Variants in PHRF1 observed in about 807,000 individuals in gnomAD.
PHRF1 encodes PHD and ring finger domains 1.
PHRF1 carries 53 observed loss-of-function variants against 128.9 expected under a neutral mutation model. That is an observed-to-expected ratio of 0.41 (90% CI 0.33 to 0.52). The LOEUF is 0.52. Among genes scored for constraint, PHRF1 ranks in the 20% least tolerant of loss-of-function variants. The pLI, the probability that PHRF1 is intolerant of heterozygous loss-of-function variation, is 0.21. For missense variants in PHRF1, 2,503 were observed against 2,284.5 expected (o/e 1.10, Z -1.95); for synonymous variants, 1,178 against 980.6 (o/e 1.20, Z -3.76).
At chr11:604,435 T>G (rs904737641) in intron 10 of PHRF1, among the ~76,000 whole-genome samples, 1 of 152,234 alleles carries the variant, frequency 6.6e-6, no homozygotes, top group African/African-American at 2.4e-5. Context: ...TAGTAACTCT[T>G]AGGGTTTTTA....
rs765663267 is a variant in PHRF1 at position 609,179 on chromosome 11, G to A, written c.3723G>A (p.Gln1241=). Residue 1241 remains glutamine (Q), a synonymous_variant, in exon 14 of 18, where the codon CAG becomes CAA. Coordinates refer to ENST00000264555, the MANE Select transcript of PHRF1 (RefSeq NM_001286581.2). ...CTACGGCCGACAAGGCCCCCCTGCA[G>A]GCTCCCCCTGTCCTGGAGGTGGCAG... is the stretch of plus-strand genomic sequence containing the variant. The part of the protein sequence containing the change: ...EVATADKAPL[Q]APPVLEVAAE... 1.9e-6 allele frequency: 3 copies of A among 1,606,990 alleles called. No homozygotes were observed. Among genetic ancestry groups the A allele is most frequent in the Non-Finnish European group, 2.5e-6 (3 of 1,179,272 alleles).
At chr11:579,774 C>G (rs534065602) in intron 1 of PHRF1, among the ~76,000 whole-genome samples, 2 of 152,210 alleles carry the variant, frequency 1.3e-5, no homozygotes. Flanking sequence ...TGTTTCCAGG[C>G]AGTAGTAAGA....
Position 609,115 on chromosome 11 carries a change from T to C in PHRF1, c.3659T>C (p.Leu1220Ser). ...GGGCGGGAAGACCTCCCCACCAGGT[T>C]GCCAGCCTTGGGGGAAGCACATGTC... Reference protein sequence around the residue: ...EPGREDLPTRLPALGEAHVSP... With the variant: ...EPGREDLPTRSPALGEAHVSP... The change falls in exon 14 of 18, where the codon TTG (leucine) becomes TCG (serine). Residue 1220 changes from leucine to serine, a missense_variant. Coordinates refer to ENST00000264555, the MANE Select transcript of PHRF1 (RefSeq NM_001286581.2). 1 of 1,605,490 alleles carries C rather than the reference T, an allele frequency of 6.2e-7. No homozygotes were observed. Among genetic ancestry groups the C allele is most frequent in the Non-Finnish European group, 8.5e-7 (1 of 1,177,406 alleles).
rs1333760705 is a variant in PHRF1, at chr11:590,018, G to GCAAACGGGCA, written c.421-1366_421-1365insCAAACGGGCA. Among the ~76,000 whole-genome samples the GCAAACGGGCA allele has an allele frequency of 4.2e-5, 6 of 142,150 alleles. 1 individual carries two copies. The highest frequency in any genetic ancestry group is 1.3e-4 in the African/African-American group (5 of 37,370). The allele number at this position is 142,150 out of a possible 152,430, so 93.3% of individuals were successfully genotyped here. A position where few individuals can be genotyped will look rare whatever the true frequency, so the allele number is the denominator to read the frequency against. On this transcript the variant is annotated intron_variant, in intron 4 of 17. Transcript: ENST00000264555. The stretch of plus-strand genomic sequence containing the variant: ...TGGGGCTCAGCCTCAGAGAGTGTCT[G>GCAAACGGGCA]TAAACGGGCATGGAGCGTGCGGGGC...
chr11:582,092 T>G lies in PHRF1; in HGVS notation c.214+11T>G. On this transcript the variant is annotated intron_variant, in intron 3 of 17. Transcript: ENST00000264555. ...TGGAAGACAGATCTGGTGAGACAGC[T>G]GGTGTTCACGCCGGCTCCTGTGTTT... 1 of 1,580,696 alleles carries G rather than the reference T, an allele frequency of 6.3e-7. No homozygotes were observed. The highest frequency in any genetic ancestry group is 8.6e-7 in the Non-Finnish European group (1 of 1,163,632).
intron 17 of PHRF1, 42 bp from the exon 18 acceptor site, chr11:611,592 T>C (rs374495339): frequency 1.9e-6 from 3 of 1,611,990 alleles, no homozygotes; most frequent in Non-Finnish European, 2.5e-6. Flanking sequence ...CCGGAACATC[T>C]GGATGTGAAA....
chr11:589,949 G>A (rs986023311), intron 4 of PHRF1, among the ~76,000 whole-genome samples: 6 of 144,496 alleles, frequency 4.2e-5, no homozygotes, highest in African/African-American at 1.2e-4. Context: ...GGCACGGAGC[G>A]TGCGGGGCTC....
At chr11:580,455 C>G (rs1459455302) in intron 1 of PHRF1, among the ~76,000 whole-genome samples, 1 of 152,174 alleles carries the variant, frequency 6.6e-6, no homozygotes, top group African/African-American at 2.4e-5. Context: ...GGCCTGGCCT[C>G]TGTGCCTTCT....
chr11:598,028 C>T (rs1366075940), intron 8 of PHRF1, among the ~76,000 whole-genome samples: 2 of 152,114 alleles, frequency 1.3e-5, no homozygotes, highest in African/African-American at 4.8e-5. Flanking sequence ...CCTTGGCAAG[C>T]CTAACGCTGA....
rs1417861713 is a variant in PHRF1 at position 597,200 on chromosome 11, ATG to A, written c.718+187_719-187del. Reference sequence around the variant, plus strand: ...CTGTCTCGGGCTCGTCTTCTCGGGGATGTGTGTGGGGTCCATTGGCTGGGGGG... The same window carrying A: ...CTGTCTCGGGCTCGTCTTCTCGGGGATGTGTGGGGTCCATTGGCTGGGGGG... On this transcript the variant is annotated intron_variant, in intron 7 of 17. Transcript: ENST00000264555. This position sits in a 1 kb window ranked among gnomAD's most constrained non-coding sequence, Gnocchi z 6.5. Among the ~76,000 whole-genome samples the A allele has an allele frequency of 6.7e-6, 1 of 149,064 alleles. No individual in the cohort carries two copies. Among genetic ancestry groups the A allele is most frequent in the Non-Finnish European group, 1.5e-5 (1 of 67,282 alleles).
At chr11:584,580 G>A (rs1469816046) in intron 3 of PHRF1, among the ~76,000 whole-genome samples, 3 of 152,126 alleles carry the variant, frequency 2.0e-5, no homozygotes, top group Admixed American at 6.5e-5. Context: ...GGGCAGAGGC[G>A]GCAGGCCAGG....
chr11:586,397 C>T (rs1854562852), intron 3 of PHRF1, among the ~76,000 whole-genome samples: 1 of 152,254 alleles, frequency 6.6e-6, no homozygotes, highest in Admixed American at 6.5e-5. Context: ...GTAAATATTT[C>T]TGTTCTGGGT....
At position 611,862 on chromosome 11, in the gene PHRF1, G is replaced by A. The variant is rs547304813; in HGVS notation, c.*85G>A. On this transcript the variant is annotated 3_prime_UTR_variant, in exon 18 of 18. Coordinates refer to ENST00000264555, the MANE Select transcript of PHRF1 (RefSeq NM_001286581.2). ...TGCCCGGGGAGCTGTCGGGAGTGGC[G>A]GGAATCGGGGCCATGCCCGGGGAGC... The A allele has an allele frequency of 2.2e-5, 33 of 1,501,816 alleles. No individual in the cohort carries two copies. The African/African-American group carries it at 2.9e-4, about 13-fold the overall frequency. The allele number at this position is 1,501,816 out of a possible 1,614,324, so 93.0% of individuals were successfully genotyped here.
In PHRF1 at chr11:612,145, C is replaced by G. The variant is rs180963984; in HGVS notation, c.*368C>G. 1.6e-3 allele frequency: 528 copies of G among 339,742 alleles called. 1 individual carries two copies. Among genetic ancestry groups the G allele is most frequent in the Admixed American group, 2.4e-3 (54 of 22,418 alleles). The allele number at this position is 339,742 out of a possible 1,614,324, so 21.0% of individuals were successfully genotyped here. A position where few individuals can be genotyped will look rare whatever the true frequency, so the allele number is the denominator to read the frequency against. On this transcript the variant is annotated 3_prime_UTR_variant, in exon 18 of 18. Coordinates refer to ENST00000264555, the MANE Select transcript of PHRF1 (RefSeq NM_001286581.2). ...GTGGGGTGGCGCGTCCTTGATAAATCTCTAGGTGGCCTCCCGCCAACAGCT... is the reference window on the plus strand; with the variant it reads ...GTGGGGTGGCGCGTCCTTGATAAATGTCTAGGTGGCCTCCCGCCAACAGCT...
At chr11:606,117 C>G (rs1214908398) in intron 12 of PHRF1, among the ~76,000 whole-genome samples, 3 of 152,252 alleles carry the variant, frequency 2.0e-5, no homozygotes, top group African/African-American at 7.2e-5. Context: ...TAACCAAAAC[C>G]AACAAAACAG....
chr11:582,745 C>T (rs1178538204), intron 3 of PHRF1, among the ~76,000 whole-genome samples: 5 of 151,616 alleles, frequency 3.3e-5, no homozygotes, highest in Middle Eastern at 3.4e-3. Flanking sequence ...AGGATGGTCT[C>T]GATCTCCTGA....
At chr11:604,750 G>A (rs1484737029) in intron 10 of PHRF1, among the ~76,000 whole-genome samples, 1 of 152,212 alleles carries the variant, frequency 6.6e-6, no homozygotes, top group Non-Finnish European at 1.5e-5. Flanking sequence ...GGCCTCAAAT[G>A]ATCTGTCTGC....
chr11:603,820 G>A (rs886642506), intron 10 of PHRF1, among the ~76,000 whole-genome samples: 4 of 139,850 alleles, frequency 2.9e-5, no homozygotes, highest in African/African-American at 1.1e-4. Flanking sequence ...CTGCAACCTC[G>A]GCCTCCCAAA....
At chr11:585,451 T>A (rs67047074) in intron 3 of PHRF1, among the ~76,000 whole-genome samples, 5,552 of 45,200 alleles carry the variant, frequency 0.12, no homozygotes, top group South Asian at 0.19. Context: ...CCTTTCCAGC[T>A]TGAGGTAGTA....
Sources: allele counts gnomAD v4.1 joint callset (sites outside exome capture counted in the v4.1 genomes callset), GRCh38; gene constraint gnomAD v4.1.1; non-coding constraint Gnocchi (gnomAD v3.1); transcripts MANE v1.5; gene names NCBI Gene and HGNC (gene_info 2026-07-23, HGNC 2026-07-21).